SUPT20H: variants seen among roughly 807,000 people sequenced by gnomAD.
SUPT20H encodes transcription factor SPT20 homolog.
In SUPT20H, 82 loss-of-function variants were observed where a neutral mutation model predicts 122.8. The ratio of observed to expected loss-of-function variants is 0.67; its 90% CI spans 0.56 to 0.80. The LOEUF (loss-of-function observed/expected upper bound fraction) is 0.80. Among genes scored for constraint, SUPT20H ranks in the 30% least tolerant of loss-of-function variants. The probability of loss-of-function intolerance (pLI) is 0.00; values close to 1 mark genes in which losing one functional copy is unlikely to be tolerated. For missense variants in SUPT20H, 831 were observed against 921.6 expected, an observed-to-expected ratio of 0.90 and a Z score of 1.27; for synonymous variants, 291 against 313.0, an observed-to-expected ratio of 0.93 and a Z score of 0.74.
At position 37,044,646 on chromosome 13, in the gene SUPT20H, A is replaced by G. The variant is rs146538788; in HGVS notation, c.293-465T>C. ...GCTATGTGAGTTCCTTGTAGAATTC[A>G]CATTATCATCATATTAAATTTTTAC... On this transcript the variant is annotated intron_variant, in intron 6 of 25. Transcript: ENST00000350612. Among the ~76,000 whole-genome samples the G allele has an allele frequency of 2.5e-3, 383 of 152,364 alleles. 3 individuals carry two copies. Among genetic ancestry groups the G allele is most frequent in the African/African-American group, 8.7e-3 (360 of 41,590 alleles).
At chr13:37,039,155 A>C (rs1269705087) in intron 9 of SUPT20H, 1 of 152,204 alleles carries the variant, frequency 6.6e-6, no homozygotes, top group Admixed American at 6.5e-5. Context: ...AATTGCCAAC[A>C]CTATAGGCCT....
At chr13:37,050,549 A>T (rs942476999) in intron 2 of SUPT20H, among the ~76,000 whole-genome samples, 19 of 152,170 alleles carry the variant, frequency 1.2e-4, no homozygotes, top group Admixed American at 7.2e-4. Flanking sequence ...TCAAAAAATT[A>T]TAATAAACAA....
chr13:37,011,338 G>A (rs1188149676), intron 24 of SUPT20H, among the ~76,000 whole-genome samples: 1 of 152,116 alleles, frequency 6.6e-6, no homozygotes, highest in Non-Finnish European at 1.5e-5. Flanking sequence ...TTCACAATTG[G>A]TCTGATAAAG....
chr13:37,009,915 C>A, intron 25 of SUPT20H, 106 bp from the exon 26 acceptor site: 6 of 1,464,896 alleles, frequency 4.1e-6, no homozygotes, highest in South Asian at 1.4e-5. Context: ...GGAGAAAGCA[C>A]CAAGATAACA....
At position 37,031,516 on chromosome 13, in the gene SUPT20H, G is replaced by A. The variant is rs1449840738; in HGVS notation, c.921+51C>T. 3.1e-6 allele frequency: 4 copies of A among 1,295,398 alleles called. No homozygotes were observed. The African/African-American group carries it at 6.1e-5, about 20-fold the overall frequency. 80.2% of individuals were successfully genotyped at this position (1,295,398 alleles called of 1,614,324 possible). On this transcript the variant is annotated intron_variant, in intron 12 of 25. Transcript: ENST00000350612. ...TTCTCAAGGTATAAGCAACCGAATA[G>A]TAAAACTGAGAAACTTTATATGAAA... is the stretch of plus-strand genomic sequence containing the variant.
At chr13:37,020,010 C>G (rs910780851) in intron 21 of SUPT20H, among the ~76,000 whole-genome samples, 2 of 152,132 alleles carry the variant, frequency 1.3e-5, no homozygotes, top group South Asian at 2.1e-4. Flanking sequence ...AAAGGGCCAT[C>G]ATGTGGGCTT....
chr13:37,041,030 C>G (rs1229187681), intron 7 of SUPT20H, among the ~76,000 whole-genome samples: 1 of 152,190 alleles, frequency 6.6e-6, no homozygotes, highest in Non-Finnish European at 1.5e-5. Flanking sequence ...CTGCAGCTCA[C>G]AGGCTTACTG....
At position 37,022,180 on chromosome 13, in the gene SUPT20H, T is replaced by C; in HGVS notation, c.1592-100A>G. On this transcript the variant is annotated intron_variant, in intron 19 of 25. Transcript: ENST00000350612. This position sits in a 1 kb window ranked among gnomAD's most constrained non-coding sequence, Gnocchi z 4.5. The stretch of plus-strand genomic sequence containing the variant: ...TGCTGAGCAAACTGAGTTAACAAAG[T>C]GGGCTGAGGGGTGAAGCCTGAATCT... 1 of 1,612,338 alleles carries C rather than the reference T, an allele frequency of 6.2e-7. No homozygotes were observed. The highest frequency in any genetic ancestry group is 8.5e-7 in the Non-Finnish European group (1 of 1,179,118).
At position 37,017,294 on chromosome 13, in the gene SUPT20H, T is replaced by G; in HGVS notation, c.1943A>C (p.Gln648Pro). Residue 648 changes from glutamine (Q) to proline (P), a missense_variant, in exon 23 of 26, where the codon CAA becomes CCA. Physicochemically the swap from Gln to Pro is moderately conservative, Grantham distance 76 (BLOSUM62 -1). Coordinates refer to ENST00000350612, the MANE Select transcript of SUPT20H (RefSeq NM_001014286.3). ...QQQQLSQFTPQQPQQPTTCSP... is the reference protein window; with the variant it reads ...QQQQLSQFTPPQPQQPTTCSP... Reference sequence around the variant, plus strand: ...ACAAGTTGTGGGCTGCTGAGGTTGTTGTGGTGTAAACTGGGAGAGCTGCTG... The same window carrying G: ...ACAAGTTGTGGGCTGCTGAGGTTGTGGTGGTGTAAACTGGGAGAGCTGCTG... 1.2e-6 allele frequency: 2 copies of G among 1,614,150 alleles called. No individual in the cohort carries two copies. Among genetic ancestry groups the G allele is most frequent in the Non-Finnish European group, 1.7e-6 (2 of 1,180,008 alleles).
At chr13:37,032,118 T>G (rs1366770948) in intron 10 of SUPT20H, among the ~76,000 whole-genome samples, 1 of 151,818 alleles carries the variant, frequency 6.6e-6, no homozygotes, top group Non-Finnish European at 1.5e-5. Flanking sequence ...GGAGGAGACA[T>G]TCACAAGTAA....
intron 12 of SUPT20H, 93 bp downstream of exon 12, chr13:37,031,474 T>G: frequency 1.3e-6 from 1 of 789,430 alleles, no homozygotes; most frequent in Admixed American, 3.0e-5. Flanking sequence ...GTTTTTAAAG[T>G]AAGTTTTTTT....
At chr13:37,059,378 G>A (rs1321212149) in intron 1 of SUPT20H, 181 bp downstream of exon 1, 1 of 152,260 alleles carries the variant, frequency 6.6e-6, no homozygotes, top group Non-Finnish European at 1.5e-5. Flanking sequence ...AGGCGATGTA[G>A]GCGTCCACCT....
intron 24 of SUPT20H, 41 bp downstream of exon 24, chr13:37,012,151 T>A: frequency 6.9e-7 from 1 of 1,457,192 alleles, no homozygotes; most frequent in Non-Finnish European, 9.6e-7. Context: ...AGATTAGATA[T>A]GTTTAGTAAA....
Position 37,028,302 on chromosome 13 carries a change from C to A in SUPT20H, c.997G>T (p.Val333Leu), listed in dbSNP as rs764545971. 37 of 1,604,200 alleles carry A rather than the reference C, an allele frequency of 2.3e-5. No individual in the cohort carries two copies. The highest frequency in any genetic ancestry group is 1.7e-4 in the Middle Eastern group (1 of 6,030). ...SQPTVWPAHDVKDDYVFECEA... is the reference protein window; with the variant it reads ...SQPTVWPAHDLKDDYVFECEA... ...CATTCAAATACATAATCATCTTTTA[C>A]ATCCTGAAAAATGCATAGCACCTCA... Residue 333 changes from valine (V) to leucine (L), a missense_variant, in exon 14 of 26, where the codon GTA becomes TTA. Val to Leu is a conservative substitution (Grantham distance 32). Coordinates refer to ENST00000350612, the MANE Select transcript of SUPT20H (RefSeq NM_001014286.3).
At chr13:37,027,512 G>C (rs1289480580) in intron 14 of SUPT20H, among the ~76,000 whole-genome samples, 1 of 151,882 alleles carries the variant, frequency 6.6e-6, no homozygotes, top group Non-Finnish European at 1.5e-5. Flanking sequence ...TGTAAGTAAA[G>C]GCTTTACAAT....
intron 20 of SUPT20H, 47 bp downstream of exon 20, chr13:37,021,964 G>GCA (rs1346973820): frequency 2.6e-6 from 4 of 1,509,680 alleles, no homozygotes. Flanking sequence ...TTAGATTGGT[G>GCA]AAACTATCTT....
At chr13:37,025,250 T>C in intron 17 of SUPT20H, 70 bp downstream of exon 17, 1 of 1,348,712 alleles carries the variant, frequency 7.4e-7, no homozygotes, top group South Asian at 1.2e-5. Context: ...CCTCCAAAAA[T>C]GATTCTTAAC....
chr13:37,051,520 A>C lies in SUPT20H; in HGVS notation c.-30T>G. On this transcript the variant is annotated 5_prime_UTR_variant, in exon 2 of 26. Transcript: ENST00000350612. ...GCATAAAATAAGGGTCCAAAAGAAG[A>C]GATAACTTATGTACGCTGATGAAGT... 6.2e-7 allele frequency: 1 copy of C among 1,611,220 alleles called. No homozygotes were observed. The highest frequency in any genetic ancestry group is 8.5e-7 in the Non-Finnish European group (1 of 1,177,948).
rs779493872 is a variant in SUPT20H at position 37,026,204 on chromosome 13, C to T, written c.1211G>A (p.Arg404Lys). Reference sequence around the variant, plus strand: ...AAATAAGAGATGCAAATATTTTTACCTCTCAGCATCGGTCTTTGATCCAAT... The same window carrying T: ...AAATAAGAGATGCAAATATTTTTACTTCTCAGCATCGGTCTTTGATCCAAT... ...FIIGSKTDAE[R>K]VVNQYQELVQ... Residue 404 changes from arginine (R) to lysine (K), a missense_variant and splice_region_variant, in exon 16 of 26, where the codon AGG becomes AAG. Arg to Lys is a conservative substitution (Grantham distance 26). Transcript: ENST00000350612. The T allele has an allele frequency of 3.9e-5, 61 of 1,551,272 alleles. No individual in the cohort carries two copies. The highest frequency in any genetic ancestry group is 6.7e-5 in the Admixed American group (3 of 45,008).
Sources: gnomAD v4.1 joint callset for allele counts (sites outside exome capture counted in the v4.1 genomes callset) on GRCh38, gnomAD v4.1.1 for gene constraint, Gnocchi (gnomAD v3.1) non-coding constraint, MANE v1.5 for transcripts, NCBI Gene and HGNC (gene_info 2026-07-23, HGNC 2026-07-21) for gene names.